The following RNGTT variants were observed in gnomAD, a reference collection of about 807,000 sequenced individuals.
RNGTT encodes RNA guanylyltransferase and 5'-phosphatase.
A neutral mutation model predicts 79.3 loss-of-function variants in RNGTT; 33 were observed. That is an observed-to-expected ratio of 0.42 (90% CI 0.32 to 0.56). The LOEUF (loss-of-function observed/expected upper bound fraction) is 0.56. RNGTT is among the 20% of genes least tolerant of loss of function. The probability of loss-of-function intolerance (pLI) is 0.17; values close to 1 mark genes in which losing one functional copy is unlikely to be tolerated. For synonymous variants in RNGTT, 222 were observed against 235.9 expected, an observed-to-expected ratio of 0.94 and a Z score of 0.54; for missense variants, 497 against 739.1, an observed-to-expected ratio of 0.67 and a Z score of 3.80.
chr6:88,767,081 C>T (rs1398012667), intron 13 of RNGTT, among the ~76,000 whole-genome samples: 4 of 151,890 alleles, frequency 2.6e-5, no homozygotes, highest in South Asian at 2.1e-4. Flanking sequence ...TCTGGCTAAC[C>T]GAATATGTTT....
chr6:88,773,319 G>A (rs1778757389), intron 12 of RNGTT, among the ~76,000 whole-genome samples: 1 of 123,490 alleles, frequency 8.1e-6, no homozygotes, highest in Non-Finnish European at 1.6e-5. Context: ...GGGGACTGTT[G>A]TGGGGTGGGG....
intron 7 of RNGTT, 128 bp from the exon 8 acceptor site, chr6:88,890,724 G>A: frequency 9.7e-6 from 5 of 514,296 alleles, no homozygotes; most frequent in South Asian, 4.1e-5. Flanking sequence ...AATGTCAGCT[G>A]GAATAACATC....
intron 4 of RNGTT, among the ~76,000 whole-genome samples, chr6:88,919,218 A>G (rs1784088676): frequency 6.6e-6 from 1 of 152,246 alleles, no homozygotes; most frequent in Non-Finnish European, 1.5e-5. Flanking sequence ...TTTCTTCATC[A>G]TGAGAATGGG....
chr6:88,806,791 G>C (rs1779970112), intron 11 of RNGTT, among the ~76,000 whole-genome samples: 1 of 152,174 alleles, frequency 6.6e-6, no homozygotes, highest in African/African-American at 2.4e-5. Context: ...ATATATGCAT[G>C]TGTAAATTCA....
At chr6:88,855,675 G>T (rs1340214891) in intron 8 of RNGTT, among the ~76,000 whole-genome samples, 1 of 152,096 alleles carries the variant, frequency 6.6e-6, no homozygotes, top group Non-Finnish European at 1.5e-5. Flanking sequence ...GGAGTGTGGG[G>T]ACTCAGGTTT....
chr6:88,869,970 C>T lies in RNGTT; in HGVS notation c.897-16206G>A, dbSNP rs569303206. On this transcript the variant is annotated intron_variant, in intron 8 of 15. Coordinates refer to ENST00000369485, the MANE Select transcript of RNGTT (RefSeq NM_003800.5). ...CCATTCTAGATAATTCATAGGGAGA[C>T]AAAATTTAGTTTTCTGCCCATGCAA... 4.6e-5 allele frequency among the ~76,000 whole-genome samples: 7 copies of T among 152,114 alleles called. No individual in the cohort carries two copies. In the South Asian group the frequency reaches 1.2e-3, roughly 27 times the overall value.
Position 88,809,767 on chromosome 6 carries a change from G to A in RNGTT, c.1270-8135C>T, listed in dbSNP as rs147524224. On this transcript the variant is annotated intron_variant, in intron 11 of 15. Coordinates refer to ENST00000369485, the MANE Select transcript of RNGTT (RefSeq NM_003800.5). The stretch of plus-strand genomic sequence containing the variant: ...ATACCTAATTAAAAAGAAGATCAAT[G>A]ACCAGGCACAATGGCTCATACCTGT... Among the ~76,000 whole-genome samples, 844 of 152,244 alleles carry A rather than the reference G, an allele frequency of 5.5e-3. 5 individuals carry two copies. The highest frequency in any genetic ancestry group is 7.1e-3 in the Non-Finnish European group (481 of 68,016).
intron 8 of RNGTT, among the ~76,000 whole-genome samples, chr6:88,872,051 C>T (rs1782375561): frequency 6.6e-6 from 1 of 152,136 alleles, no homozygotes; most frequent in African/African-American, 2.4e-5. Flanking sequence ...AAACTTGAGA[C>T]ATTAAGTTAG....
chr6:88,780,495 T>C (rs1011689321), intron 12 of RNGTT, among the ~76,000 whole-genome samples: 1 of 152,196 alleles, frequency 6.6e-6, no homozygotes, highest in African/African-American at 2.4e-5. Flanking sequence ...ATTCTACATG[T>C]TCTCGTGTAT....
intron 6 of RNGTT, among the ~76,000 whole-genome samples, chr6:88,894,500 C>G (rs1011886531): frequency 1.3e-5 from 2 of 152,182 alleles, no homozygotes; most frequent in Non-Finnish European, 2.9e-5. Flanking sequence ...CTAACATAAA[C>G]AGCTTAGTTT....
intron 13 of RNGTT, among the ~76,000 whole-genome samples, chr6:88,755,106 G>C (rs1231654215): frequency 1.4e-5 from 2 of 147,450 alleles, no homozygotes; most frequent in African/African-American, 5.0e-5. Flanking sequence ...CAATTAGAAG[G>C]AGAAAAGAAC....
chr6:88,963,570 C>A lies in RNGTT; in HGVS notation c.-161G>T. The A allele has an allele frequency of 1.6e-6, 1 of 614,354 alleles. No homozygotes were observed. Among genetic ancestry groups the A allele is most frequent in the Non-Finnish European group, 2.6e-6 (1 of 377,774 alleles). 38.1% of individuals were successfully genotyped at this position (614,354 alleles called of 1,614,324 possible). A position where few individuals can be genotyped will look rare whatever the true frequency, so the allele number is the denominator to read the frequency against. On this transcript the variant is annotated 5_prime_UTR_variant, in exon 1 of 16. Transcript: ENST00000369485. ...TCCGGGTAACGTCAGGGGCGGCGCG[C>A]CACTTTCATTCAGGATCAACTCCAC...
intron 6 of RNGTT, among the ~76,000 whole-genome samples, chr6:88,898,156 C>T (rs971899232): frequency 6.6e-6 from 1 of 152,174 alleles, no homozygotes; most frequent in Non-Finnish European, 1.5e-5. Context: ...ACCCCTAACA[C>T]AACTCAGTCT....
chr6:88,647,701 T>TA (rs746472579), intron 14 of RNGTT, among the ~76,000 whole-genome samples: 35,056 of 100,708 alleles, frequency 0.35, 6,489 homozygotes, highest in Non-Finnish European at 0.42. Flanking sequence ...GACACCCTGT[T>TA]AAAAAAAAAA....
chr6:88,882,121 T>A (rs573744396), intron 8 of RNGTT, among the ~76,000 whole-genome samples: 26 of 152,194 alleles, frequency 1.7e-4, no homozygotes, highest in Non-Finnish European at 3.7e-4. Flanking sequence ...CAATCCATAT[T>A]CTTCTCCTAA....
At chr6:88,637,633 AT>A (rs1171619076) in intron 14 of RNGTT, among the ~76,000 whole-genome samples, 1 of 151,990 alleles carries the variant, frequency 6.6e-6, no homozygotes, top group Non-Finnish European at 1.5e-5. Context: ...GGTTTTAGTT[AT>A]TTGCTTGCTC....
intron 14 of RNGTT, among the ~76,000 whole-genome samples, chr6:88,647,555 T>TATAAAA (rs913934525): frequency 6.6e-6 from 1 of 151,592 alleles, no homozygotes. Context: ...GTCCTGTCTC[T>TATAAAA]ATAAAAATTA....
In RNGTT at chr6:88,797,826, G is replaced by A. The variant is rs563545678; in HGVS notation, c.1338+3738C>T. 2.0e-5 allele frequency among the ~76,000 whole-genome samples: 3 copies of A among 151,600 alleles called. No individual in the cohort carries two copies. In the South Asian group the frequency reaches 6.2e-4, roughly 32 times the overall value. On this transcript the variant is annotated intron_variant, in intron 12 of 15. Coordinates refer to ENST00000369485, the MANE Select transcript of RNGTT (RefSeq NM_003800.5). ...GGAGAAAGGGGTGTGGAGGGGGTTAGTGGAATTAGAGGGCTCAATCCTATT... is the reference window on the plus strand; with the variant it reads ...GGAGAAAGGGGTGTGGAGGGGGTTAATGGAATTAGAGGGCTCAATCCTATT...
intron 14 of RNGTT, among the ~76,000 whole-genome samples, chr6:88,674,409 T>C (rs1374527841): frequency 6.6e-6 from 1 of 151,968 alleles, no homozygotes; most frequent in Admixed American, 6.6e-5. Context: ...GCATGTAGCA[T>C]GCACCTGTAG....
Sources: gnomAD v4.1 joint callset for allele counts (sites outside exome capture counted in the v4.1 genomes callset) on GRCh38, gnomAD v4.1.1 for gene constraint, MANE v1.5 for transcripts, NCBI Gene and HGNC (gene_info 2026-07-23, HGNC 2026-07-21) for gene names.